Variants in GRIP2 observed in about 807,000 individuals in gnomAD.
The protein encoded by GRIP2 is glutamate receptor-interacting protein 2.
In GRIP2, 58 loss-of-function variants were observed where a neutral mutation model predicts 108.3. The ratio of observed to expected loss-of-function variants is 0.54; its 90% CI spans 0.43 to 0.67. The LOEUF is 0.67. Among genes scored for constraint, GRIP2 ranks in the 30% least tolerant of loss-of-function variants. GRIP2 has a pLI of 0.00. For synonymous variants in GRIP2, 586 were observed against 598.2 expected (o/e 0.98, Z 0.30); for missense variants, 1,278 against 1,430.6 (o/e 0.89, Z 1.72).
chr3:14,511,211 G>C lies in GRIP2; in HGVS notation c.1887C>G (p.Cys629Trp), dbSNP rs199516851. Residue 629 changes from cysteine (C) to tryptophan (W), a missense_variant, in exon 16 of 24, where the codon TGC becomes TGG. Cys to Trp is a radical substitution (Grantham distance 215). Coordinates refer to ENST00000621039, the MANE Select transcript of GRIP2 (RefSeq NM_001080423.4). The surrounding 1 kb of genome is among the most constrained non-coding windows in gnomAD (Gnocchi z 4.1). The part of the protein sequence containing the change: ...MEDAVQILRQ[C>W]EDLVKLKIRK... The stretch of plus-strand genomic sequence containing the variant: ...GGATCTTCAGCTTCACCAGGTCCTC[G>C]CACTGCCGCAGGATTTGCACGGCGT... 6.2e-7 allele frequency: 1 copy of C among 1,613,938 alleles called. No individual in the cohort carries two copies. Among genetic ancestry groups the C allele is most frequent in the South Asian group, 1.1e-5 (1 of 91,064 alleles).
rs545758661 is a variant in GRIP2, at chr3:14,521,934, G to A, written c.567-147C>T. ...GGGAGGAGGGGACGGGTGAAGGGGC[G>A]CATGAGTGAGTGAAGGAATGAGCCA... is the stretch of plus-strand genomic sequence containing the variant. On this transcript the variant is annotated intron_variant, in intron 6 of 23. Transcript: ENST00000621039. This position sits in a 1 kb window ranked among gnomAD's most constrained non-coding sequence, Gnocchi z 5.1. 12 of 701,552 alleles carry A rather than the reference G, an allele frequency of 1.7e-5. No homozygotes were observed. Among genetic ancestry groups the A allele is most frequent in the East Asian group, 1.5e-4 (5 of 33,468 alleles). 43.5% of individuals were successfully genotyped at this position (701,552 alleles called of 1,614,324 possible). A position where few individuals can be genotyped will look rare whatever the true frequency, so the allele number is the denominator to read the frequency against.
chr3:14,525,879 G>C lies in GRIP2; in HGVS notation c.93C>G (p.Ser31=). ...GGKDAGGADV[S]LACRRQSIPE... ...GAATGCTCTGTCTGCGGCACGCCAGGGAAACGTCGGCCCCTCCTGCGTCCT... is the reference window on the plus strand; with the variant it reads ...GAATGCTCTGTCTGCGGCACGCCAGCGAAACGTCGGCCCCTCCTGCGTCCT... Residue 31 remains serine (S), a synonymous_variant, in exon 2 of 24, where the codon TCC becomes TCG. Transcript: ENST00000621039. The C allele has an allele frequency of 6.4e-7, 1 of 1,561,348 alleles. No homozygotes were observed. The highest frequency in any genetic ancestry group is 8.7e-7 in the Non-Finnish European group (1 of 1,152,432).
upstream of GRIP2, among the ~76,000 whole-genome samples, chr3:14,556,637 A>G (rs1308196102): frequency 6.6e-6 from 1 of 152,180 alleles, no homozygotes; most frequent in Non-Finnish European, 1.5e-5. Flanking sequence ...CCTAACCCCT[A>G]CAACTATAAC....
the GRIP2 span, among the ~76,000 whole-genome samples, chr3:14,583,867 T>C: frequency 2.0e-5 from 3 of 152,192 alleles, no homozygotes; most frequent in Non-Finnish European, 4.4e-5. Flanking sequence ...CTCCTCCATC[T>C]TGGGAGGGGC....
chr3:14,567,051 T>TGAATGAAC, the GRIP2 span, among the ~76,000 whole-genome samples: 1 of 151,644 alleles, frequency 6.6e-6, no homozygotes, highest in Admixed American at 6.6e-5. Context: ...AATGAATGAA[T>TGAATGAAC]GAACGTCAAC....
Position 14,492,981 on chromosome 3 carries a change from A to G in GRIP2, c.*684T>C, listed in dbSNP as rs952794515. 4 of 152,206 alleles carry G rather than the reference A, an allele frequency of 2.6e-5. No individual in the cohort carries two copies. The highest frequency in any genetic ancestry group is 5.9e-5 in the Non-Finnish European group (4 of 68,034). 9.4% of individuals were successfully genotyped at this position (152,206 alleles called of 1,614,324 possible). On this transcript the variant is annotated 3_prime_UTR_variant, in exon 24 of 24. Transcript: ENST00000621039. ...CACTTCCTGGGATCCCAGACGCCCC[A>G]ACTTAAGAGTCTCATAAGTGGGGAC...
chr3:14,529,334 C>T (rs968628476), intron 1 of GRIP2, among the ~76,000 whole-genome samples: 9 of 150,636 alleles, frequency 6.0e-5, no homozygotes, highest in Non-Finnish European at 1.3e-4. Flanking sequence ...ATTGGTATTA[C>T]CTCACAGGTA....
In GRIP2 at chr3:14,511,697, T is replaced by C. The variant is rs9838357; in HGVS notation, c.1721-218A>G. 0.07 allele frequency among the ~76,000 whole-genome samples: 10,670 copies of C among 152,222 alleles called. 516 individuals are homozygous for C. Among genetic ancestry groups the C allele is most frequent in the South Asian group, 0.14 (660 of 4,830 alleles). ...GGTGGCACCGCAGACCTCATGGGGA[T>C]GTGGTGAGAGTAAACCAGATAACAC... On this transcript the variant is annotated intron_variant, in intron 14 of 23. Transcript: ENST00000621039. The surrounding 1 kb of genome is among the most constrained non-coding windows in gnomAD (Gnocchi z 4.1).
chr3:14,577,560 G>A, the GRIP2 span, among the ~76,000 whole-genome samples: 1 of 152,174 alleles, frequency 6.6e-6, no homozygotes, highest in Admixed American at 6.5e-5. Flanking sequence ...CCTTAACCTG[G>A]AAGGTCCTTT....
chr3:14,594,598 G>A, the GRIP2 span, among the ~76,000 whole-genome samples: 1 of 152,206 alleles, frequency 6.6e-6, no homozygotes, highest in African/African-American at 2.4e-5. Flanking sequence ...GGCCAGGGCA[G>A]GGCCACTCTA....
chr3:14,576,802 T>C, the GRIP2 span, among the ~76,000 whole-genome samples: 3 of 152,196 alleles, frequency 2.0e-5, no homozygotes, highest in Admixed American at 2.0e-4. Flanking sequence ...AATACCAATG[T>C]ATGAATTTTA....
intron 17 of GRIP2, among the ~76,000 whole-genome samples, chr3:14,508,811 T>G (rs1269441609): frequency 6.6e-6 from 1 of 152,188 alleles, no homozygotes; most frequent in Admixed American, 6.5e-5. Flanking sequence ...TTGAACTAAA[T>G]ATATATTTAA....
At chr3:14,524,142 C>T (rs779263392) in intron 4 of GRIP2, 20 of 567,210 alleles carry the variant, frequency 3.5e-5, no homozygotes, top group Admixed American at 2.6e-4. Flanking sequence ...AAACCCTCCC[C>T]GCTAAAGGAA....
chr3:14,548,066 G>A (rs1176724554), intron 1 of GRIP2, among the ~76,000 whole-genome samples: 2 of 152,134 alleles, frequency 1.3e-5, no homozygotes, highest in Non-Finnish European at 2.9e-5. Flanking sequence ...GAAAGCTGCC[G>A]GGTGGAGGCA....
chr3:14,523,181 A>G, intron 5 of GRIP2, 106 bp from the exon 6 acceptor site: 1 of 829,642 alleles, frequency 1.2e-6, no homozygotes, highest in South Asian at 1.7e-5. Context: ...CTGTTTGAGG[A>G]CCTTGTCCTT....
intron 21 of GRIP2, among the ~76,000 whole-genome samples, chr3:14,502,010 G>A (rs1331728893): frequency 6.6e-6 from 1 of 151,980 alleles, no homozygotes; most frequent in Non-Finnish European, 1.5e-5. Context: ...TAAATAGGAA[G>A]TATAAATTAT....
At chr3:14,555,017 A>G (rs1021101085) in intron 1 of GRIP2, among the ~76,000 whole-genome samples, 3 of 151,976 alleles carry the variant, frequency 2.0e-5, no homozygotes, top group African/African-American at 7.3e-5. Context: ...CTGTAGATGG[A>G]GACATGGCAG....
chr3:14,540,385 GA>G, upstream of GRIP2: 2 of 1,610,588 alleles, frequency 1.2e-6, no homozygotes, highest in Non-Finnish European at 1.7e-6. This position sits in a 1 kb window ranked among gnomAD's most constrained non-coding sequence, Gnocchi z 4.1. Flanking sequence ...CCTCCCCAGG[GA>G]GGGGCTGTGG....
In GRIP2 at chr3:14,506,863, C is replaced by T. The variant is rs1295425086; in HGVS notation, c.2336G>A (p.Ser779Asn). ...CCAAGACTCCACAGCACTGTCCACA[C>T]TGGGCACAGCCGGCGAGAAGCGGGC... ...PAARFSPAVP[S>N]VDSAVESWDS... Residue 779 changes from serine to asparagine, a missense_variant, in exon 19 of 24, where the codon AGT (serine) becomes AAT (asparagine). By Grantham distance (46) the Ser-to-Asn change is conservative. Coordinates refer to ENST00000621039, the MANE Select transcript of GRIP2 (RefSeq NM_001080423.4). The T allele has an allele frequency of 1.9e-6, 3 of 1,607,538 alleles. No homozygotes were observed. Among genetic ancestry groups the T allele is most frequent in the African/African-American group, 2.7e-5 (2 of 74,812 alleles).
Sources: gnomAD v4.1 joint callset for allele counts (sites outside exome capture counted in the v4.1 genomes callset) on GRCh38, gnomAD v4.1.1 for gene constraint, Gnocchi (gnomAD v3.1) non-coding constraint, MANE v1.5 for transcripts, NCBI Gene and HGNC (gene_info 2026-07-23, HGNC 2026-07-21) for gene names.